MCPH1: variants seen among roughly 807,000 people sequenced by gnomAD.
MCPH1 encodes the protein microcephalin.
In MCPH1, 104 loss-of-function variants were observed where a neutral mutation model predicts 84.5. The ratio of observed to expected loss-of-function variants is 1.23; its 90% CI spans 1.05 to 1.45. The LOEUF (loss-of-function observed/expected upper bound fraction) is 1.45, where lower values mean the gene tolerates loss of function less well. Among genes scored for constraint, MCPH1 ranks in the 40% most tolerant of loss-of-function variants. The pLI is 0.00. For synonymous variants in MCPH1, 514 were observed against 366.8 expected (o/e 1.40, Z -4.58); for missense variants, 1,498 against 1,005.7 (o/e 1.49, Z -6.62).
intron 3 of MCPH1, among the ~76,000 whole-genome samples, chr8:6,418,893 T>G (rs1350243135): frequency 2.0e-5 from 3 of 152,182 alleles, no homozygotes. Flanking sequence ...ATTTTTTTTT[T>G]AAGACTCATG....
At chr8:6,627,364 C>T (rs1047389427) in intron 13 of MCPH1, 2 of 895,386 alleles carry the variant, frequency 2.2e-6, no homozygotes, top group Non-Finnish European at 2.7e-6. Context: ...CCTTCCAGCC[C>T]CTCTCCTCCA....
chr8:6,462,333 T>C (rs1806381259), intron 9 of MCPH1, among the ~76,000 whole-genome samples: 1 of 152,210 alleles, frequency 6.6e-6, no homozygotes, highest in Non-Finnish European at 1.5e-5. Context: ...GTTAGTCTCT[T>C]AATACTCAGC....
At chr8:6,480,128 C>CTT (rs751438919) in intron 10 of MCPH1, among the ~76,000 whole-genome samples, 10 of 142,184 alleles carry the variant, frequency 7.0e-5, no homozygotes, top group African/African-American at 1.5e-4. Context: ...TTCTTTTTTT[C>CTT]TTTTTTTTTT....
intron 12 of MCPH1, among the ~76,000 whole-genome samples, chr8:6,565,162 C>T (rs1321449528): frequency 6.6e-6 from 1 of 152,214 alleles, no homozygotes; most frequent in Non-Finnish European, 1.5e-5. Context: ...GAGCCTCAGT[C>T]TCCCTAGTCA....
At chr8:6,529,926 CTATGAA>C (rs951890125) in intron 12 of MCPH1, among the ~76,000 whole-genome samples, 8 of 151,466 alleles carry the variant, frequency 5.3e-5, no homozygotes, top group Admixed American at 3.3e-4. Flanking sequence ...ACATCAAATG[CTATGAA>C]GTCTCTGACC....
intron 12 of MCPH1, among the ~76,000 whole-genome samples, chr8:6,602,963 G>C (rs1455568493): frequency 6.6e-6 from 1 of 151,874 alleles, no homozygotes; most frequent in Non-Finnish European, 1.5e-5. Context: ...AGGCGCATGT[G>C]TGTGCCCTTG....
chr8:6,409,215 A>T (rs1798193124), intron 1 of MCPH1, 64 bp from the exon 2 acceptor site: 5 of 1,354,714 alleles, frequency 3.7e-6, no homozygotes, highest in Admixed American at 3.4e-5. Context: ...AATAGAACAA[A>T]ATCTATTGGG....
intron 12 of MCPH1, among the ~76,000 whole-genome samples, chr8:6,550,937 C>CCTCT (rs532474941): frequency 6.6e-6 from 1 of 152,172 alleles, no homozygotes; most frequent in African/African-American, 2.4e-5. Flanking sequence ...GGAAGGAGTG[C>CCTCT]CTCTCTCTGT....
intron 12 of MCPH1, among the ~76,000 whole-genome samples, chr8:6,611,275 G>A (rs940521115): frequency 2.0e-5 from 3 of 152,130 alleles, no homozygotes; most frequent in South Asian, 4.1e-4. Context: ...GAGTTAGCAG[G>A]TGAAGGACTC....
chr8:6,437,081 G>A lies in MCPH1; in HGVS notation c.436+919G>A, dbSNP rs192354587. Among the ~76,000 whole-genome samples the A allele has an allele frequency of 4.6e-5, 7 of 152,256 alleles. No individual in the cohort carries two copies. The South Asian group carries it at 1.5e-3, about 32-fold the overall frequency. Reference sequence around the variant, plus strand: ...AGTATTTCCTACTAATTCTGACACAGCATTGCTACAGATAAGCAATTATGG... The same window carrying A: ...AGTATTTCCTACTAATTCTGACACAACATTGCTACAGATAAGCAATTATGG... On this transcript the variant is annotated intron_variant, in intron 5 of 13. Transcript: ENST00000344683.
chr8:6,479,402 CTATTTATTTATT>C (rs149984870), intron 10 of MCPH1, among the ~76,000 whole-genome samples: 95,357 of 140,094 alleles, frequency 0.68, 34,942 homozygotes, highest in Non-Finnish European at 0.8. Context: ...ATTTCTTTTT[CTATTTATTTATT>C]TATTTATTTA....
chr8:6,445,473 C>T lies in MCPH1; in HGVS notation c.1751C>T (p.Pro584Leu), dbSNP rs769776443. The T allele has an allele frequency of 1.7e-5, 27 of 1,614,004 alleles. No individual in the cohort carries two copies. The highest frequency in any genetic ancestry group is 2.1e-5 in the Non-Finnish European group (25 of 1,180,052). ...SEGEAQSEHE[P>L]CFIVDCNMET... is the part of the protein sequence containing the mutation. ...GGCGAAGCCCAGAGTGAACATGAGC[C>T]ATGTTTTATAGTTGACTGTAACATG... Residue 584 changes from proline (P) to leucine (L), a missense_variant, in exon 8 of 14, where the codon CCA (proline) becomes CTA (leucine). By Grantham distance (98) the Pro-to-Leu change is moderately conservative. Transcript: ENST00000344683.
At position 6,538,298 on chromosome 8, in the gene MCPH1, C is replaced by T. The variant is rs117051234; in HGVS notation, c.2214+38369C>T. On this transcript the variant is annotated intron_variant, in intron 12 of 13. Coordinates refer to ENST00000344683, the MANE Select transcript of MCPH1 (RefSeq NM_024596.5). ...TACACACACACATACACGTTTTCTACCCCCCATGATCCCATCTTCCCGCCC... is the reference window on the plus strand; with the variant it reads ...TACACACACACATACACGTTTTCTATCCCCCATGATCCCATCTTCCCGCCC... 7.2e-3 allele frequency among the ~76,000 whole-genome samples: 1,100 copies of T among 152,210 alleles called. 9 individuals are homozygous for T. The highest frequency in any genetic ancestry group is 0.012 in the Non-Finnish European group (805 of 67,996).
chr8:6,493,818 A>G (rs1810931968), intron 11 of MCPH1, among the ~76,000 whole-genome samples: 2 of 152,212 alleles, frequency 1.3e-5, no homozygotes, highest in South Asian at 4.1e-4. Context: ...AGAGATGCGG[A>G]GCTACTTTGT....
chr8:6,513,425 C>T (rs111791358), intron 12 of MCPH1, among the ~76,000 whole-genome samples: 60 of 151,816 alleles, frequency 4.0e-4, no homozygotes, highest in Admixed American at 9.2e-4. Flanking sequence ...CTCCGCCTCC[C>T]GGGTTCACGC....
chr8:6,428,484 C>A (rs368756047), intron 3 of MCPH1, among the ~76,000 whole-genome samples: 13 of 152,196 alleles, frequency 8.5e-5, no homozygotes, highest in African/African-American at 2.7e-4. Flanking sequence ...TTTTCGTCAC[C>A]TCAAAATGAA....
At chr8:6,564,067 C>T (rs547091348) in intron 12 of MCPH1, among the ~76,000 whole-genome samples, 4 of 151,162 alleles carry the variant, frequency 2.6e-5, no homozygotes, top group Admixed American at 1.3e-4. Flanking sequence ...CTGCAACCTC[C>T]GCCTTCCGGG....
intron 3 of MCPH1, among the ~76,000 whole-genome samples, chr8:6,420,278 T>G (rs1486802923): frequency 1.3e-5 from 2 of 152,080 alleles, no homozygotes; most frequent in African/African-American, 2.4e-5. Flanking sequence ...GTTGTGGCAG[T>G]TGTGCTGGGT....
In MCPH1 at chr8:6,429,614, C is replaced by G. The variant is rs1042348131; in HGVS notation, c.234-1885C>G. ...TGTTGGTTTATGTCTTTTTGTTTTC[C>G]TTTACTATCATTTTATTGGGGTTTT... On this transcript the variant is annotated intron_variant, in intron 3 of 13. Coordinates refer to ENST00000344683, the MANE Select transcript of MCPH1 (RefSeq NM_024596.5). 4.0e-4 allele frequency among the ~76,000 whole-genome samples: 61 copies of G among 151,494 alleles called. 1 individual carries two copies. The highest frequency in any genetic ancestry group is 1.5e-3 in the African/African-American group (61 of 41,280).
Sources: gnomAD v4.1 joint callset for allele counts (sites outside exome capture counted in the v4.1 genomes callset) on GRCh38, gnomAD v4.1.1 for gene constraint, MANE v1.5 for transcripts, NCBI Gene and HGNC (gene_info 2026-07-23, HGNC 2026-07-21) for gene names.